LRP1B: variants seen among roughly 807,000 people sequenced by gnomAD.
LRP1B encodes the protein low-density lipoprotein receptor-related protein 1B.
Under a neutral mutation model 556.6 loss-of-function variants are expected in LRP1B, and 217 were observed. The ratio of observed to expected loss-of-function variants is 0.39; its 90% CI spans 0.35 to 0.44. The LOEUF (loss-of-function observed/expected upper bound fraction) is 0.44. Among genes scored for constraint, LRP1B ranks in the 20% least tolerant of loss-of-function variants. LRP1B has a pLI of 1.00. For synonymous variants in LRP1B, 2,047 were observed against 1,865.8 expected (o/e 1.10, Z -2.50); for missense variants, 5,053 against 5,620.8 (o/e 0.90, Z 3.23).
intron 41 of LRP1B, among the ~76,000 whole-genome samples, chr2:140,677,128 CTG>C (rs1389016237): frequency 1.3e-5 from 2 of 152,144 alleles, no homozygotes; most frequent in African/African-American, 2.4e-5. Context: ...CAGGATGAAA[CTG>C]TGTCAGAGGA....
chr2:141,086,089 G>T lies in LRP1B; in HGVS notation c.1014-23816C>A, dbSNP rs756059669. 4.6e-5 allele frequency among the ~76,000 whole-genome samples: 7 copies of T among 152,208 alleles called. 1 individual carries two copies. Among genetic ancestry groups the T allele is most frequent in the Admixed American group, 2.6e-4 (4 of 15,290 alleles). On this transcript the variant is annotated intron_variant, in intron 7 of 90. Coordinates refer to ENST00000389484, the MANE Select transcript of LRP1B (RefSeq NM_018557.3). ...TTGGTGACGTTAATTTTGATCACTT[G>T]CTTAACTGACTATTATCCAGATTTG...
At chr2:141,198,184 G>A (rs1328816884) in intron 6 of LRP1B, among the ~76,000 whole-genome samples, 1 of 152,018 alleles carries the variant, frequency 6.6e-6, no homozygotes, top group Non-Finnish European at 1.5e-5. Flanking sequence ...ACTTTTATAT[G>A]TCACCATAAT....
chr2:141,483,029 T>C (rs1682981152), intron 2 of LRP1B, among the ~76,000 whole-genome samples: 2 of 152,050 alleles, frequency 1.3e-5, no homozygotes, highest in South Asian at 2.1e-4. Context: ...CCGTTACATA[T>C]GTATACATGT....
At chr2:140,839,187 A>C (rs1425641824) in intron 31 of LRP1B, among the ~76,000 whole-genome samples, 1 of 152,216 alleles carries the variant, frequency 6.6e-6, no homozygotes, top group East Asian at 1.9e-4. Context: ...AAAATAAGAG[A>C]TTGATTAATT....
At chr2:140,969,997 T>A (rs1696363197) in intron 18 of LRP1B, among the ~76,000 whole-genome samples, 1 of 152,174 alleles carries the variant, frequency 6.6e-6, no homozygotes, top group Non-Finnish European at 1.5e-5. Flanking sequence ...GATAATTATG[T>A]GTCTTGGAGT....
intron 11 of LRP1B, among the ~76,000 whole-genome samples, chr2:141,034,069 C>T (rs995808033): frequency 2.0e-5 from 3 of 151,912 alleles, no homozygotes; most frequent in African/African-American, 7.3e-5. Flanking sequence ...TTAAAGAGTG[C>T]CTTAAGGCCT....
At chr2:140,418,925 C>A (rs1199318169) in intron 66 of LRP1B, among the ~76,000 whole-genome samples, 1 of 146,720 alleles carries the variant, frequency 6.8e-6, no homozygotes, top group African/African-American at 2.5e-5. Context: ...GTGTAAGGAA[C>A]CACCATTCTT....
intron 18 of LRP1B, among the ~76,000 whole-genome samples, chr2:140,961,923 TA>T (rs1328994212): frequency 6.6e-6 from 1 of 152,150 alleles, no homozygotes; most frequent in African/African-American, 2.4e-5. Flanking sequence ...GGCTAAGAGT[TA>T]AAAATACTTG....
At chr2:141,009,324 A>C (rs1354767319) in intron 14 of LRP1B, among the ~76,000 whole-genome samples, 1 of 151,946 alleles carries the variant, frequency 6.6e-6, no homozygotes, top group Admixed American at 6.6e-5. Flanking sequence ...TATGCATTTA[A>C]TCTAGCATAA....
intron 2 of LRP1B, among the ~76,000 whole-genome samples, chr2:141,675,082 C>T (rs530282732): frequency 2.6e-5 from 4 of 151,416 alleles, no homozygotes; most frequent in African/African-American, 9.7e-5. Context: ...TTATATTTTG[C>T]CCTATTATTT....
At chr2:140,941,152 A>C (rs989201932) in intron 20 of LRP1B, among the ~76,000 whole-genome samples, 2 of 152,188 alleles carry the variant, frequency 1.3e-5, no homozygotes, top group Admixed American at 1.3e-4. Flanking sequence ...GGTATAAATT[A>C]ATCTAGGAGA....
intron 4 of LRP1B, among the ~76,000 whole-genome samples, chr2:141,252,831 A>C (rs1162992316): frequency 6.6e-6 from 1 of 152,130 alleles, no homozygotes; most frequent in Non-Finnish European, 1.5e-5. Flanking sequence ...AGAAAGCCTA[A>C]TGATGCTCAG....
intron 74 of LRP1B, among the ~76,000 whole-genome samples, chr2:140,357,549 TA>T (rs563824423): frequency 2.2e-4 from 32 of 145,838 alleles, no homozygotes; most frequent in South Asian, 4.3e-4. Context: ...GCACTGTAAC[TA>T]AAAAAAAAAA....
chr2:142,050,162 A>G (rs1704404617), intron 1 of LRP1B, among the ~76,000 whole-genome samples: 1 of 152,174 alleles, frequency 6.6e-6, no homozygotes, highest in South Asian at 2.1e-4. Context: ...TATATGTAAT[A>G]CATAGGTATA....
intron 2 of LRP1B, among the ~76,000 whole-genome samples, chr2:141,507,414 A>G (rs7606229): frequency 0.83 from 126,312 of 152,056 alleles, 52,800 homozygotes; most frequent in East Asian, 0.97. Flanking sequence ...AAAAAATGAT[A>G]TAGATATTTT....
At chr2:142,013,208 A>C (rs1703009760) in intron 1 of LRP1B, among the ~76,000 whole-genome samples, 1 of 152,064 alleles carries the variant, frequency 6.6e-6, no homozygotes, top group African/African-American at 2.4e-5. Flanking sequence ...TTTTCAATTA[A>C]GATAGGACTG....
At chr2:140,809,908 G>A (rs553164535) in intron 32 of LRP1B, among the ~76,000 whole-genome samples, 8 of 152,246 alleles carry the variant, frequency 5.3e-5, no homozygotes, top group African/African-American at 1.9e-4. Flanking sequence ...GGGCAAAGAA[G>A]CTCATGCTTT....
At chr2:141,545,550 C>A (rs7574177) in intron 2 of LRP1B, among the ~76,000 whole-genome samples, 139,371 of 152,138 alleles carry the variant, frequency 0.92, 65,071 homozygotes, top group East Asian at 1. Context: ...TGAGTCCTTT[C>A]AAGCAAAGAA....
chr2:141,444,750 A>T (rs1424888604), intron 3 of LRP1B, among the ~76,000 whole-genome samples: 1 of 152,160 alleles, frequency 6.6e-6, no homozygotes, highest in East Asian at 1.9e-4. Context: ...CACATGTTAA[A>T]CCAACCTTGC....
Sources: gnomAD v4.1 joint callset for allele counts (sites outside exome capture counted in the v4.1 genomes callset) on GRCh38, gnomAD v4.1.1 for gene constraint, MANE v1.5 for transcripts, NCBI Gene and HGNC (gene_info 2026-07-23, HGNC 2026-07-21) for gene names.